MYL11: variants seen among roughly 807,000 people sequenced by gnomAD.
MYL11 encodes the protein myosin regulatory light chain 11.
the MYL11 span, chr16:30,377,816 C>T: frequency 6.2e-7 from 1 of 1,614,122 alleles, no homozygotes; most frequent in Non-Finnish European, 8.5e-7. Context: ...TGTGGGCGGC[C>T]TTCCCCCCCG....
At chr16:30,374,879 A>C in the MYL11 span, 2 of 1,613,088 alleles carry the variant, frequency 1.2e-6, no homozygotes, top group Non-Finnish European at 1.7e-6. Context: ...GAATCCTCCA[A>C]CCCCTGCCCA....
At chr16:30,376,671 A>C in the MYL11 span, 3 of 1,613,940 alleles carry the variant, frequency 1.9e-6, no homozygotes, top group African/African-American at 4.0e-5. Context: ...TTGGACCCTG[A>C]GGGAAAGGGC....
At chr16:30,376,507 T>C in the MYL11 span, 5 of 1,614,074 alleles carry the variant, frequency 3.1e-6, no homozygotes, top group Admixed American at 1.7e-5. Flanking sequence ...TTCCTGACCA[T>C]GTTCGGGGAG....
At chr16:30,372,129 C>A in the MYL11 span, among the ~76,000 whole-genome samples, 1 of 152,162 alleles carries the variant, frequency 6.6e-6, no homozygotes. Context: ...GCTCTCCTCC[C>A]ATTCCCCTTT....
At chr16:30,371,328 C>T in the MYL11 span, among the ~76,000 whole-genome samples, 1 of 152,158 alleles carries the variant, frequency 6.6e-6, no homozygotes, top group Admixed American at 6.5e-5. Context: ...ATTCTTCGTT[C>T]AGCTCCTGAG....
chr16:30,375,264 G>A, the MYL11 span, among the ~76,000 whole-genome samples: 2 of 152,084 alleles, frequency 1.3e-5, no homozygotes, highest in East Asian at 1.9e-4. Flanking sequence ...CCAGGAGTTC[G>A]AGACCAGCCT....
At chr16:30,376,260 A>T in the MYL11 span, 3 of 1,605,152 alleles carry the variant, frequency 1.9e-6, no homozygotes, top group Non-Finnish European at 2.6e-6. Context: ...TCAAGGCTGC[A>T]GAGTCTAGGA....
the MYL11 span, chr16:30,376,068 C>T: frequency 3.2e-5 from 50 of 1,543,306 alleles, no homozygotes; most frequent in South Asian, 5.7e-4. Context: ...TGAGAGCCAG[C>T]ATCTGATCCT....
At chr16:30,373,552 C>T in the MYL11 span, among the ~76,000 whole-genome samples, 3 of 150,836 alleles carry the variant, frequency 2.0e-5, no homozygotes, top group Admixed American at 6.6e-5. Flanking sequence ...GCCAAGATCA[C>T]GCCACTGCAC....
the MYL11 span, chr16:30,374,882 C>T: frequency 1.5e-5 from 24 of 1,613,048 alleles, no homozygotes; most frequent in East Asian, 4.9e-4. Context: ...TCCTCCAACC[C>T]CTGCCCAGAT....
chr16:30,377,235 T>A, the MYL11 span, among the ~76,000 whole-genome samples: 1 of 150,676 alleles, frequency 6.6e-6, no homozygotes, highest in Non-Finnish European at 1.5e-5. Flanking sequence ...AAAAAAAAAA[T>A]TCGCGGGAGT....
the MYL11 span, among the ~76,000 whole-genome samples, chr16:30,373,228 C>T: frequency 2.6e-5 from 4 of 152,056 alleles, no homozygotes; most frequent in Middle Eastern, 6.3e-3. Flanking sequence ...GAGGTCGAGA[C>T]GGGTGGATCA....
chr16:30,374,818 C>T, the MYL11 span: 2 of 1,611,984 alleles, frequency 1.2e-6, no homozygotes, highest in Non-Finnish European at 1.7e-6. Context: ...TTGCTTCTTT[C>T]CAGCCGGAGC....
chr16:30,376,211 G>A, the MYL11 span: 100 of 1,613,762 alleles, frequency 6.2e-5, no homozygotes, highest in South Asian at 8.1e-4. Flanking sequence ...GGACACCTTC[G>A]CAGCCATGGG....
chr16:30,375,012 A>G, the MYL11 span: 10 of 1,073,534 alleles, frequency 9.3e-6, no homozygotes, highest in African/African-American at 1.4e-4. Flanking sequence ...AGACTGTGTG[A>G]TGGCCTAAAG....
chr16:30,376,638 T>A, the MYL11 span: 1 of 1,614,138 alleles, frequency 6.2e-7, no homozygotes, highest in Non-Finnish European at 8.5e-7. Flanking sequence ...CCTGAGGATG[T>A]GATCACCGGA....
At chr16:30,372,145 G>A in the MYL11 span, among the ~76,000 whole-genome samples, 1 of 152,034 alleles carries the variant, frequency 6.6e-6, no homozygotes, top group Non-Finnish European at 1.5e-5. Context: ...CCTTTTTGGA[G>A]TCCTCCTCCT....
the MYL11 span, chr16:30,377,839 A>G: frequency 6.2e-7 from 1 of 1,614,148 alleles, no homozygotes; most frequent in Non-Finnish European, 8.5e-7. Flanking sequence ...GTGGGCGGCA[A>G]CGTCGACTAC....
the MYL11 span, chr16:30,377,744 G>A: frequency 1.3e-6 from 2 of 1,595,678 alleles, no homozygotes; most frequent in Non-Finnish European, 1.7e-6. Flanking sequence ...CAAAGGGGCT[G>A]GGGCCGGGGA....
Sources: gnomAD v4.1 joint callset for allele counts (sites outside exome capture counted in the v4.1 genomes callset) on GRCh38, gnomAD v4.1.1 for gene constraint, MANE v1.5 for transcripts, NCBI Gene and HGNC (gene_info 2026-07-23, HGNC 2026-07-21) for gene names.